Variants in DDRGK1 observed in about 807,000 individuals in gnomAD.
DDRGK1 encodes the protein DDRGK domain containing 1.
Under a neutral mutation model 45.8 loss-of-function variants are expected in DDRGK1, and 38 were observed. The observed-to-expected ratio is 0.83, with a 90% CI of 0.64 to 1.09. The LOEUF is 1.09. Among genes scored for constraint, DDRGK1 ranks in the 50% least tolerant of loss-of-function variants. DDRGK1 has a pLI of 0.00. For missense variants in DDRGK1, 403 were observed against 419.9 expected (o/e 0.96, Z 0.35); for synonymous variants, 171 against 168.7 (o/e 1.01, Z -0.11).
chr20:3,193,349 A>C (rs937447184), intron 6 of DDRGK1, among the ~76,000 whole-genome samples: 12 of 152,222 alleles, frequency 7.9e-5, no homozygotes, highest in African/African-American at 2.7e-4. Context: ...TAGAAGAATT[A>C]GCCAGCACAG....
In DDRGK1 at chr20:3,200,032, T is replaced by C; in HGVS notation, c.479A>G (p.Glu160Gly). 6.2e-7 allele frequency: 1 copy of C among 1,613,822 alleles called. No homozygotes were observed. The highest frequency in any genetic ancestry group is 8.5e-7 in the Non-Finnish European group (1 of 1,179,980). The change falls in exon 4 of 9, where the codon GAG (glutamate) becomes GGG (glycine). Residue 160 changes from glutamate to glycine, a missense_variant. Physicochemically the swap from Glu to Gly is moderately conservative, Grantham distance 98 (BLOSUM62 -2). Transcript: ENST00000354488. ...CTCCTCCTCCAGGCGAAGCCGCTCC[T>C]CCTCCTTCTTCCACTCAGCTTCGCG... The part of the protein sequence containing the change: ...SQREAEWKKE[E>G]ERLRLEEEQK...
chr20:3,200,806 T>C (rs2067034183), intron 2 of DDRGK1, among the ~76,000 whole-genome samples: 1 of 151,778 alleles, frequency 6.6e-6, no homozygotes, highest in African/African-American at 2.4e-5. Context: ...TGAAACCCCA[T>C]CTCTACTAAA....
At position 3,200,056 on chromosome 20, in the gene DDRGK1, C is replaced by A; in HGVS notation, c.455G>T (p.Arg152Leu). The A allele has an allele frequency of 4.3e-6, 7 of 1,613,960 alleles. No individual in the cohort carries two copies. The highest frequency in any genetic ancestry group is 5.9e-6 in the Non-Finnish European group (7 of 1,180,006). The change falls in exon 4 of 9, where the codon CGC (arginine) becomes CTC (leucine). Residue 152 changes from arginine to leucine, a missense_variant. Arg to Leu is a moderately radical substitution (Grantham distance 102). Coordinates refer to ENST00000354488, the MANE Select transcript of DDRGK1 (RefSeq NM_023935.3). ...REERKRLESQ[R>L]EAEWKKEEER... The stretch of plus-strand genomic sequence containing the variant: ...CTCCTCCTTCTTCCACTCAGCTTCG[C>A]GCTGGGACTCGAGTCGTTTCCGCTC...
Position 3,203,279 on chromosome 20 carries a change from G to A in DDRGK1, c.229C>T (p.Gln77Ter). 1 of 1,607,754 alleles carries A rather than the reference G, an allele frequency of 6.2e-7. No homozygotes were observed. The highest frequency in any genetic ancestry group is 8.5e-7 in the Non-Finnish European group (1 of 1,176,458). ...RRDLGSRLQA[Q>*]RRAQRVAWAE... ...CAGGCCACCCGCTGGGCTCGACGCT[G>A]GGCCTGTAGGCGGCTGCCCAGGTCC... The change falls in exon 2 of 9, where the codon CAG becomes TAG. Residue 77 changes from glutamine (Q) to a stop codon, truncating the protein, a stop_gained. Coordinates refer to ENST00000354488, the MANE Select transcript of DDRGK1 (RefSeq NM_023935.3). LOFTEE classifies it high-confidence loss of function.
At chr20:3,191,041 T>C in intron 8 of DDRGK1, 149 bp downstream of exon 8, 1 of 1,197,620 alleles carries the variant, frequency 8.3e-7, no homozygotes. Context: ...GTCCTCCTTG[T>C]AACTGCATCC....
chr20:3,203,075 C>A, intron 2 of DDRGK1, 138 bp downstream of exon 2: 1 of 773,808 alleles, frequency 1.3e-6, no homozygotes, highest in Non-Finnish European at 2.0e-6. Context: ...CCCAAGTCCC[C>A]CCCTACTCTA....
intron 4 of DDRGK1, among the ~76,000 whole-genome samples, chr20:3,196,344 T>A (rs1423238125): frequency 6.6e-6 from 1 of 152,150 alleles, no homozygotes. Flanking sequence ...ACAGCCTCCC[T>A]CAACCCAACA....
At chr20:3,199,975 G>A in intron 4 of DDRGK1, 26 bp downstream of exon 4, 1 of 1,582,522 alleles carries the variant, frequency 6.3e-7, no homozygotes, top group African/African-American at 1.3e-5. Context: ...TCAAGGGTCA[G>A]AGGTCAGGGT....
intron 4 of DDRGK1, among the ~76,000 whole-genome samples, chr20:3,199,241 T>C (rs1487636692): frequency 6.6e-6 from 1 of 152,124 alleles, no homozygotes; most frequent in Non-Finnish European, 1.5e-5. Context: ...GGTATTAAAG[T>C]GAGGTAGGAC....
In DDRGK1 at chr20:3,198,460, G is replaced by T. The variant is rs181239892; in HGVS notation, c.510+1541C>A. On this transcript the variant is annotated intron_variant, in intron 4 of 8. Transcript: ENST00000354488. ...TCACGCCTGTAATCCCAGCGCTTCG[G>T]GAGGCTGAGGTGGGTGGATCACCTG... 3.3e-3 allele frequency among the ~76,000 whole-genome samples: 501 copies of T among 150,842 alleles called. 3 individuals are homozygous for T. The highest frequency in any genetic ancestry group is 0.011 in the African/African-American group (470 of 40,990).
chr20:3,191,972 G>GACACAC (rs150309651), intron 6 of DDRGK1, 151 bp from the exon 7 acceptor site: 19,456 of 559,914 alleles, frequency 0.035, 183 homozygotes, highest in South Asian at 0.065. Flanking sequence ...TTGCTCCCCT[G>GACACAC]ACACACACAC....
intron 1 of DDRGK1, among the ~76,000 whole-genome samples, chr20:3,203,960 G>A (rs925399009): frequency 2.6e-5 from 4 of 152,250 alleles, no homozygotes; most frequent in Admixed American, 6.5e-5. Flanking sequence ...TGGGGGGAAA[G>A]AGGGAGGATG....
chr20:3,203,954 G>A (rs370038386), intron 1 of DDRGK1, among the ~76,000 whole-genome samples: 158 of 152,312 alleles, frequency 1.0e-3, no homozygotes, highest in African/African-American at 3.7e-3. Context: ...CAGAAATGGG[G>A]GGAAAGAGGG....
intron 4 of DDRGK1, among the ~76,000 whole-genome samples, chr20:3,197,669 C>A (rs995305849): frequency 2.6e-5 from 4 of 152,124 alleles, no homozygotes; most frequent in African/African-American, 9.7e-5. Flanking sequence ...GTGGCTCACA[C>A]ATGTAATCCC....
intron 1 of DDRGK1, 61 bp downstream of exon 1, chr20:3,204,476 C>T (rs1180740112): frequency 6.6e-7 from 1 of 1,508,576 alleles, no homozygotes; most frequent in Non-Finnish European, 8.9e-7. Context: ...CGACGGTCCA[C>T]AAAGGCTCAG....
intron 5 of DDRGK1, 133 bp from the exon 6 acceptor site, chr20:3,195,001 G>T: frequency 1.5e-6 from 2 of 1,338,750 alleles, no homozygotes; most frequent in Non-Finnish European, 2.1e-6. Flanking sequence ...CCAACCACCT[G>T]CACATACCGC....
chr20:3,203,059 C>A (rs1365175782), intron 2 of DDRGK1, among the ~76,000 whole-genome samples, 154 bp downstream of exon 2: 6 of 152,050 alleles, frequency 3.9e-5, no homozygotes, highest in Non-Finnish European at 8.8e-5. Context: ...GGAACAAATG[C>A]CAGGTCCCAA....
Position 3,203,295 on chromosome 20 carries a change from G to A in DDRGK1, c.213C>T (p.Gly71=). ...CTCGACGCTGGGCCTGTAGGCGGCT[G>A]CCCAGGTCCCTCCGGCGCCGAGGCC... The part of the protein sequence containing the change: ...GGRPRRRRDL[G]SRLQAQRRAQ... The change falls in exon 2 of 9, where the codon GGC becomes GGT. Residue 71 remains glycine (G), a synonymous_variant. Coordinates refer to ENST00000354488, the MANE Select transcript of DDRGK1 (RefSeq NM_023935.3). 1 of 1,608,222 alleles carries A rather than the reference G, an allele frequency of 6.2e-7. No individual in the cohort carries two copies. Among genetic ancestry groups the A allele is most frequent in the Non-Finnish European group, 8.5e-7 (1 of 1,177,002 alleles).
chr20:3,203,554 G>T (rs2067051617), intron 1 of DDRGK1, 138 bp from the exon 2 acceptor site: 1 of 1,238,558 alleles, frequency 8.1e-7, no homozygotes, highest in South Asian at 1.8e-5. Flanking sequence ...TTCTCAGTCT[G>T]ACTGGCAAGG....
Sources: allele counts gnomAD v4.1 joint callset (sites outside exome capture counted in the v4.1 genomes callset), GRCh38; gene constraint gnomAD v4.1.1; transcripts MANE v1.5; gene names NCBI Gene and HGNC (gene_info 2026-07-23, HGNC 2026-07-21).